The following SLIT2 variants were observed in gnomAD, a reference collection of about 807,000 sequenced individuals.
The protein encoded by SLIT2 is slit homolog 2 protein.
In SLIT2, 41 loss-of-function variants were observed where a neutral mutation model predicts 185.7. That is an observed-to-expected ratio of 0.22 (90% CI 0.17 to 0.29). The LOEUF (loss-of-function observed/expected upper bound fraction) is 0.29, where lower values mean the gene tolerates loss of function less well. SLIT2 is among the 10% of genes least tolerant of loss of function. The pLI is 1.00. For synonymous variants in SLIT2, 693 were observed against 680.2 expected (o/e 1.02, Z -0.29); for missense variants, 1,571 against 1,909.0 (o/e 0.82, Z 3.30).
chr4:20,301,669 T>C (rs1229525620), intron 4 of SLIT2, among the ~76,000 whole-genome samples: 4 of 152,184 alleles, frequency 2.6e-5, no homozygotes, highest in African/African-American at 9.7e-5. Flanking sequence ...GACAAGTCTT[T>C]AGACTAATGA....
rs1211567708 is a variant in SLIT2, at chr4:20,567,560, C to G, written c.2893C>G (p.Pro965Ala). Reference protein sequence around the residue: ...DVPIHACISNPCKHGGTCHLK... With the variant: ...DVPIHACISNACKHGGTCHLK... ...CCCAATTCATGCCTGCATCAGTAAC[C>G]CATGTAAACATGGAGGAACTTGCCA... Residue 965 changes from proline (P) to alanine (A), a missense_variant, in exon 28 of 37, where the codon CCA becomes GCA. Coordinates refer to ENST00000504154, the MANE Select transcript of SLIT2 (RefSeq NM_004787.4). The G allele has an allele frequency of 6.2e-7, 1 of 1,613,152 alleles. No homozygotes were observed. Among genetic ancestry groups the G allele is most frequent in the South Asian group, 1.1e-5 (1 of 91,046 alleles).
At chr4:20,307,540 A>T (rs1717700806) in intron 4 of SLIT2, among the ~76,000 whole-genome samples, 2 of 152,086 alleles carry the variant, frequency 1.3e-5, no homozygotes. Flanking sequence ...GATTATAGGC[A>T]TGAGCCACTG....
At position 20,498,017 on chromosome 4, in the gene SLIT2, C is replaced by CA. The variant is rs1293386963; in HGVS notation, c.914+6124dup. ...TGAAACCCTGTCTCTACTAAAAATA[C>CA]AAAAAATTAGCCAGGCGTGGCAGTG... On this transcript the variant is annotated intron_variant, in intron 9 of 36. Transcript: ENST00000504154. Among the ~76,000 whole-genome samples, 23 of 151,960 alleles carry CA rather than the reference C, an allele frequency of 1.5e-4. No homozygotes were observed. The East Asian group carries it at 3.9e-3, about 26-fold the overall frequency.
rs554463772 is a variant in SLIT2, at chr4:20,516,664, G to A, written c.1059-2718G>A. Among the ~76,000 whole-genome samples, 3 of 151,902 alleles carry A rather than the reference G, an allele frequency of 2.0e-5. No homozygotes were observed. In the East Asian group the frequency reaches 5.8e-4, roughly 30 times the overall value. ...GCTGTCATCCAACTTCTCTATCCTG[G>A]TCTTTGGATTTTGGTATATTTTAAC... On this transcript the variant is annotated intron_variant, in intron 11 of 36. Transcript: ENST00000504154.
chr4:20,292,551 A>G (rs906090472), intron 4 of SLIT2, among the ~76,000 whole-genome samples: 5 of 152,170 alleles, frequency 3.3e-5, no homozygotes, highest in Non-Finnish European at 5.9e-5. Flanking sequence ...AAACACTCTG[A>G]CATAGTACTA....
intron 4 of SLIT2, among the ~76,000 whole-genome samples, chr4:20,448,904 G>T (rs1185639915): frequency 6.6e-6 from 1 of 152,130 alleles, no homozygotes; most frequent in Non-Finnish European, 1.5e-5. Context: ...CCAAAGGGCT[G>T]GGATTACAGG....
chr4:20,256,683 G>A lies in SLIT2; in HGVS notation c.191G>A (p.Gly64Glu), dbSNP rs772070012. 1 of 1,563,338 alleles carries A rather than the reference G, an allele frequency of 6.4e-7. No individual in the cohort carries two copies. The highest frequency in any genetic ancestry group is 1.2e-5 in the South Asian group (1 of 86,838). The change falls in exon 2 of 37, where the codon GGA becomes GAA. Residue 64 changes from glycine (G) to glutamate (E), a missense_variant. This residue lies in a region of SLIT2 where 1,202 missense variants were observed against 1,416.4 expected (regional missense o/e 0.85). Coordinates refer to ENST00000504154, the MANE Select transcript of SLIT2 (RefSeq NM_004787.4). ...PRNTERLDLN[G>E]NNITRITKTD... is the part of the protein sequence containing the mutation. ...GGTTTTTCTCTTAGGGATTTAAATG[G>A]AAATAACATCACAAGAATTACGAAG...
At chr4:20,567,182 A>T in intron 26 of SLIT2, 80 bp from the exon 27 acceptor site, 1 of 1,194,070 alleles carries the variant, frequency 8.4e-7, no homozygotes, top group Non-Finnish European at 1.2e-6. Flanking sequence ...TATGAAATTT[A>T]CCATTACATT....
At chr4:20,498,995 C>T (rs1197368919) in intron 9 of SLIT2, among the ~76,000 whole-genome samples, 1 of 152,190 alleles carries the variant, frequency 6.6e-6, no homozygotes, top group East Asian at 1.9e-4. Flanking sequence ...TCTGTACTGT[C>T]TTCCATAGAG....
intron 1 of SLIT2, among the ~76,000 whole-genome samples, chr4:20,256,287 A>G (rs1711820180): frequency 6.7e-6 from 1 of 148,430 alleles, no homozygotes; most frequent in African/African-American, 2.5e-5. Context: ...AAAATTGGGC[A>G]TTTAACCTCC....
chr4:20,519,543 A>G (rs1158426510), intron 12 of SLIT2, 90 bp downstream of exon 12: 1 of 750,616 alleles, frequency 1.3e-6, no homozygotes. Flanking sequence ...CCTTGGAAAA[A>G]TTTGACTCAA....
intron 29 of SLIT2, among the ~76,000 whole-genome samples, chr4:20,572,833 C>G (rs1725725311): frequency 6.6e-6 from 1 of 152,128 alleles, no homozygotes; most frequent in African/African-American, 2.4e-5. Flanking sequence ...GTGAACATCT[C>G]CATGCAGATT....
intron 24 of SLIT2, among the ~76,000 whole-genome samples, chr4:20,550,326 T>C (rs910742382): frequency 1.3e-5 from 2 of 152,000 alleles, no homozygotes; most frequent in African/African-American, 2.4e-5. Context: ...TCCTTATTAA[T>C]GTAGATATCT....
At chr4:20,516,695 T>C (rs1720250522) in intron 11 of SLIT2, among the ~76,000 whole-genome samples, 1 of 152,174 alleles carries the variant, frequency 6.6e-6, no homozygotes, top group Admixed American at 6.5e-5. Flanking sequence ...TTAACTAATT[T>C]TCCTTGCTGT....
chr4:20,305,558 C>T (rs1404347235), intron 4 of SLIT2, among the ~76,000 whole-genome samples: 2 of 152,058 alleles, frequency 1.3e-5, no homozygotes, highest in Admixed American at 6.6e-5. Flanking sequence ...TTAGTTATTA[C>T]TTCCTTGTAA....
In SLIT2 at chr4:20,252,057, G is replaced by A. The variant is rs781019463; in HGVS notation, c.-1759G>A. ...CTGCGAGGCATGGGAGCGCCGAAGC[G>A]CCCAGGCGCAGGCCGAAGCTGCCGC... On this transcript the variant is annotated 5_prime_UTR_variant, in exon 1 of 37. Transcript: ENST00000504154. Among the ~76,000 whole-genome samples the A allele has an allele frequency of 1.3e-5, 2 of 152,128 alleles. No homozygotes were observed. The highest frequency in any genetic ancestry group is 2.4e-5 in the African/African-American group (1 of 41,454).
At chr4:20,276,160 C>G (rs1168444592) in intron 4 of SLIT2, among the ~76,000 whole-genome samples, 1 of 152,060 alleles carries the variant, frequency 6.6e-6, no homozygotes, top group Non-Finnish European at 1.5e-5. Flanking sequence ...AATTGCAAAT[C>G]TTTTAGCACT....
rs1560179399 is a variant in SLIT2 at position 20,541,630 on chromosome 4, C to T, written c.2143+11C>T. On this transcript the variant is annotated intron_variant, in intron 20 of 36. Transcript: ENST00000504154. ...TCACTTGTGATGACGGTAAGAAATA[C>T]TTATCAACTCTTTGATTGTCAGGCA... 9 of 1,610,924 alleles carry T rather than the reference C, an allele frequency of 5.6e-6. No homozygotes were observed. Among genetic ancestry groups the T allele is most frequent in the African/African-American group, 1.3e-5 (1 of 75,012 alleles).
chr4:20,253,452 TAGC>T lies in SLIT2; in HGVS notation c.-360_-358del. ...CCCACAACAACCGGCCCCTGCATCT[TAGC>T]AGCCGTTGGAAGCCCCAGCTCTTTT... On this transcript the variant is annotated 5_prime_UTR_variant, in exon 1 of 37. Coordinates refer to ENST00000504154, the MANE Select transcript of SLIT2 (RefSeq NM_004787.4). The T allele has an allele frequency of 3.5e-6, 1 of 283,112 alleles. No individual in the cohort carries two copies. Among genetic ancestry groups the T allele is most frequent in the Non-Finnish European group, 6.7e-6 (1 of 148,776 alleles). 17.5% of individuals were successfully genotyped at this position (283,112 alleles called of 1,614,324 possible). A position where few individuals can be genotyped will look rare whatever the true frequency, so the allele number is the denominator to read the frequency against.
Sources: allele counts gnomAD v4.1 joint callset (sites outside exome capture counted in the v4.1 genomes callset), GRCh38; gene constraint gnomAD v4.1.1; regional missense constraint gnomAD v4.1.1; transcripts MANE v1.5; gene names NCBI Gene and HGNC (gene_info 2026-07-23, HGNC 2026-07-21).